The following USP31 variants were observed in gnomAD, a reference collection of about 807,000 sequenced individuals.
USP31 encodes ubiquitin specific peptidase 31.
USP31 carries 44 observed loss-of-function variants against 119.4 expected under a neutral mutation model. The observed-to-expected ratio is 0.37, with a 90% CI of 0.29 to 0.47. The LOEUF (loss-of-function observed/expected upper bound fraction) is 0.47. Ranked by LOEUF, USP31 falls within the 20% of genes least tolerant of loss-of-function variation. The pLI, the probability that USP31 is intolerant of heterozygous loss-of-function variation, is 0.99. For synonymous variants in USP31, 749 were observed against 705.6 expected (o/e 1.06, Z -0.97); for missense variants, 1,643 against 1,730.2 (o/e 0.95, Z 0.89).
chr16:23,072,300 T>A (rs537395599), intron 14 of USP31, 103 bp from the exon 15 acceptor site: 1 of 1,481,848 alleles, frequency 6.7e-7, no homozygotes. Context: ...CTGGGGGGCG[T>A]TGATGTCCTC....
intron 1 of USP31, among the ~76,000 whole-genome samples, chr16:23,112,435 C>T (rs559366631): frequency 6.6e-5 from 10 of 151,984 alleles, no homozygotes; most frequent in East Asian, 5.9e-4. Context: ...ATTAGTCAGG[C>T]GTGGTGACAC....
At chr16:23,144,773 C>T (rs1179276574) in intron 1 of USP31, among the ~76,000 whole-genome samples, 3 of 152,160 alleles carry the variant, frequency 2.0e-5, no homozygotes, top group Non-Finnish European at 4.4e-5. Flanking sequence ...TGAGCCACTG[C>T]GTCCTGCCTT....
intron 11 of USP31, among the ~76,000 whole-genome samples, chr16:23,083,912 G>A (rs1047901254): frequency 3.3e-5 from 5 of 152,108 alleles, no homozygotes; most frequent in Non-Finnish European, 5.9e-5. Context: ...GTAACCAGTG[G>A]ACATATTTCA....
At position 23,073,923 on chromosome 16, in the gene USP31, C is replaced by A. The variant is rs955080824; in HGVS notation, c.2177-43G>T. ...CCATCAGCACCAGGGGAGGCTGCAC[C>A]AGCCACTTCATGCGACCCACAGACA... On this transcript the variant is annotated intron_variant, in intron 13 of 15. Transcript: ENST00000219689. The A allele has an allele frequency of 6.2e-6, 10 of 1,613,066 alleles. No homozygotes were observed. The African/African-American group carries it at 9.3e-5, about 15-fold the overall frequency.
At chr16:23,082,379 AG>A (rs1318461021) in intron 12 of USP31, 58 bp downstream of exon 12, 3 of 1,603,224 alleles carry the variant, frequency 1.9e-6, no homozygotes. Flanking sequence ...GCCCATCAGC[AG>A]GGGGCATAAG....
At chr16:23,093,718 T>C (rs1901472616) in intron 6 of USP31, among the ~76,000 whole-genome samples, 1 of 152,102 alleles carries the variant, frequency 6.6e-6, no homozygotes, top group Non-Finnish European at 1.5e-5. Context: ...TTCAAACAAA[T>C]ACTTGTACAC....
chr16:23,148,939 G>C lies in USP31; in HGVS notation c.332C>G (p.Pro111Arg). 4 of 1,122,060 alleles carry C rather than the reference G, an allele frequency of 3.6e-6. No individual in the cohort carries two copies. Among genetic ancestry groups the C allele is most frequent in the Non-Finnish European group, 3.3e-6 (3 of 915,762 alleles). 69.5% of individuals were successfully genotyped at this position (1,122,060 alleles called of 1,614,324 possible). ...GCAAGCGGGCGGCGCGGGAGAGGCG[G>C]GCGGCGGCGGGCACGGCGGCGGCGT... is the stretch of plus-strand genomic sequence containing the variant. ...APTPPPCPPPPASPAPPACAA... is the reference protein window; with the variant it reads ...APTPPPCPPPRASPAPPACAA... Residue 111 changes from proline (P) to arginine (R), a missense_variant, in exon 1 of 16, where the codon CCC becomes CGC. Pro to Arg is a moderately radical substitution (Grantham distance 103). This residue lies in a region of USP31 where 302 missense variants were observed against 262.6 expected (regional missense o/e 1.15). Transcript: ENST00000219689.
At chr16:23,114,104 C>CAAAA (rs543474229) in intron 1 of USP31, among the ~76,000 whole-genome samples, 1 of 135,404 alleles carries the variant, frequency 7.4e-6, no homozygotes, top group East Asian at 2.1e-4. Flanking sequence ...GACCCTTACT[C>CAAAA]AAAAAAAAAA....
At position 23,067,576 on chromosome 16, in the gene USP31, G is replaced by C. The variant is rs1388502210; in HGVS notation, c.*470C>G. ...TTTCCCTCGATTTGTTTCGTTGTTA[G>C]AGTCACAGTTTTTAGAGCTCCTGGT... On this transcript the variant is annotated 3_prime_UTR_variant, in exon 16 of 16. Transcript: ENST00000219689. 1 of 154,758 alleles carries C rather than the reference G, an allele frequency of 6.5e-6. No homozygotes were observed. Among genetic ancestry groups the C allele is most frequent in the Non-Finnish European group, 1.4e-5 (1 of 69,606 alleles). 9.6% of individuals were successfully genotyped at this position (154,758 alleles called of 1,614,324 possible). A position where few individuals can be genotyped will look rare whatever the true frequency, so the allele number is the denominator to read the frequency against.
chr16:23,136,003 T>C (rs565059919), intron 1 of USP31, among the ~76,000 whole-genome samples: 2 of 152,168 alleles, frequency 1.3e-5, no homozygotes, highest in African/African-American at 2.4e-5. Flanking sequence ...AAAACGGACA[T>C]ATAAATCAAT....
intron 1 of USP31, among the ~76,000 whole-genome samples, chr16:23,127,205 AT>A (rs540850875): frequency 6.6e-4 from 101 of 152,202 alleles, no homozygotes; most frequent in African/African-American, 2.4e-3. Context: ...AGGCAGGATG[AT>A]TGCTTGAGCC....
At chr16:23,145,516 T>C (rs1363516955) in intron 1 of USP31, among the ~76,000 whole-genome samples, 2 of 152,142 alleles carry the variant, frequency 1.3e-5, no homozygotes, top group African/African-American at 2.4e-5. Context: ...GACATGGTTA[T>C]AGCCAATGAA....
Position 23,061,411 on chromosome 16 carries a change from G to A in USP31, c.*6635C>T, listed in dbSNP as rs1048322944. 6.6e-6 allele frequency: 1 copy of A among 152,570 alleles called. No individual in the cohort carries two copies. Among genetic ancestry groups the A allele is most frequent in the African/African-American group, 2.4e-5 (1 of 41,432 alleles). 9.5% of individuals were successfully genotyped at this position (152,570 alleles called of 1,614,324 possible). A position where few individuals can be genotyped will look rare whatever the true frequency, so the allele number is the denominator to read the frequency against. On this transcript the variant is annotated 3_prime_UTR_variant, in exon 16 of 16. Transcript: ENST00000219689. ...GGAGAAAGGAGAAATGTGGCTTGAA[G>A]AGGACATCTTGTAATAAATTTATTG...
intron 12 of USP31, among the ~76,000 whole-genome samples, chr16:23,081,395 G>C (rs1900817714): frequency 6.6e-6 from 1 of 152,118 alleles, no homozygotes; most frequent in Non-Finnish European, 1.5e-5. Flanking sequence ...AAACCTCTGT[G>C]TGAAAGCCCC....
intron 1 of USP31, among the ~76,000 whole-genome samples, chr16:23,133,161 T>C (rs1903080946): frequency 6.6e-6 from 1 of 152,204 alleles, no homozygotes; most frequent in South Asian, 2.1e-4. Flanking sequence ...ATAAATCCTG[T>C]ATACGAGGCC....
intron 1 of USP31, among the ~76,000 whole-genome samples, chr16:23,143,386 C>G (rs913450959): frequency 2.6e-5 from 4 of 152,128 alleles, no homozygotes; most frequent in African/African-American, 9.7e-5. Flanking sequence ...ATCTGGGGCA[C>G]CCATGCTCCT....
intron 5 of USP31, 37 bp from the exon 6 acceptor site, chr16:23,102,500 G>A (rs1901923668): frequency 6.3e-7 from 1 of 1,586,048 alleles, no homozygotes; most frequent in South Asian, 1.1e-5. Context: ...TGGGTAACTG[G>A]AAATTCGATA....
Position 23,081,410 on chromosome 16 carries a change from C to G in USP31, c.1950+1028G>C, listed in dbSNP as rs1272966402. ...AAACCTCTGTGTGAAAGCCCCAGAC[C>G]TGGGGACCATCTGTGTGTTGCCCCT... On this transcript the variant is annotated intron_variant, in intron 12 of 15. Coordinates refer to ENST00000219689, the MANE Select transcript of USP31 (RefSeq NM_020718.4). Among the ~76,000 whole-genome samples, 5 of 152,140 alleles carry G rather than the reference C, an allele frequency of 3.3e-5. No homozygotes were observed. The South Asian group carries it at 1.0e-3, about 31-fold the overall frequency.
intron 6 of USP31, among the ~76,000 whole-genome samples, chr16:23,101,828 G>C (rs928462470): frequency 6.6e-6 from 1 of 152,000 alleles, no homozygotes; most frequent in Admixed American, 6.6e-5. Flanking sequence ...CCAAACCGCA[G>C]TAAGAGGAAA....
Sources: allele counts gnomAD v4.1 joint callset (sites outside exome capture counted in the v4.1 genomes callset), GRCh38; gene constraint gnomAD v4.1.1; regional missense constraint gnomAD v4.1.1; transcripts MANE v1.5; gene names NCBI Gene and HGNC (gene_info 2026-07-23, HGNC 2026-07-21).